Variants in CD226 observed in about 807,000 individuals in gnomAD.
The protein encoded by CD226 is CD226 molecule.
CD226 carries 24 observed loss-of-function variants against 34.9 expected under a neutral mutation model. The observed-to-expected ratio is 0.69, with a 90% CI of 0.50 to 0.97. CD226 has a LOEUF of 0.97. Ranked by LOEUF, CD226 falls within the 50% of genes least tolerant of loss-of-function variation. The pLI is 0.00. For missense variants in CD226, 397 were observed against 412.7 expected (o/e 0.96, Z 0.33); for synonymous variants, 148 against 147.4 (o/e 1.00, Z -0.03).
rs72481819 is a variant in CD226, at chr18:69,867,396, C to T, written c.846G>A (p.Glu282=). Reference sequence around the variant, plus strand: ...AGGACTCTGTAAATAGATCTCTTCTCTCTCTCCTTCTCCTTCTGGAATGCA... The same window carrying T: ...AGGACTCTGTAAATAGATCTCTTCTTTCTCTCCTTCTCCTTCTGGAATGCA... The part of the protein sequence containing the change: ...VIFLNRRRRR[E]RRDLFTESWD... Residue 282 remains glutamate (E), a synonymous_variant, in exon 5 of 6, where the codon GAG becomes GAA. Transcript: ENST00000582621. 93,559 of 1,560,522 alleles carry T rather than the reference C, an allele frequency of 0.06. 3,480 individuals are homozygous for T. Among genetic ancestry groups the T allele is most frequent in the Non-Finnish European group, 0.069 (77,587 of 1,131,426 alleles).
Position 69,862,075 on chromosome 18 carries a change from T to C in CD226, c.*2239A>G. ...CAAGGAAAAAGAGACAAGTTCCAAA[T>C]GTTCTGGAGGCTTTGCAATACTGCA... On this transcript the variant is annotated 3_prime_UTR_variant, in exon 6 of 6. Transcript: ENST00000582621. The C allele has an allele frequency of 6.6e-6, 1 of 152,118 alleles. No individual in the cohort carries two copies. Among genetic ancestry groups the C allele is most frequent in the East Asian group, 1.9e-4 (1 of 5,188 alleles). 9.4% of individuals were successfully genotyped at this position (152,118 alleles called of 1,614,324 possible). A position where few individuals can be genotyped will look rare whatever the true frequency, so the allele number is the denominator to read the frequency against.
At chr18:69,901,603 G>A (rs1019920538) in intron 2 of CD226, among the ~76,000 whole-genome samples, 24 of 148,354 alleles carry the variant, frequency 1.6e-4, no homozygotes, top group South Asian at 6.7e-4. Flanking sequence ...ATTTGTGCCC[G>A]GGCACAGTGG....
Position 69,859,583 on chromosome 18 carries a change from G to A in CD226, c.*4731C>T, listed in dbSNP as rs2145161414. 1 of 144,098 alleles carries A rather than the reference G, an allele frequency of 6.9e-6. No individual in the cohort carries two copies. The highest frequency in any genetic ancestry group is 2.3e-4 in the South Asian group (1 of 4,428). 8.9% of individuals were successfully genotyped at this position (144,098 alleles called of 1,614,324 possible). On this transcript the variant is annotated 3_prime_UTR_variant, in exon 6 of 6. Coordinates refer to ENST00000582621, the MANE Select transcript of CD226 (RefSeq NM_001303618.2). ...TGAATGTCTAAAATTGAAAAAAAAA[G>A]TATTAGTGTCATAAGCATGCTATTC...
At chr18:69,924,449 C>T (rs1191545244) in intron 2 of CD226, among the ~76,000 whole-genome samples, 1 of 149,776 alleles carries the variant, frequency 6.7e-6, no homozygotes, top group Non-Finnish European at 1.5e-5. Flanking sequence ...GAAATTTTTG[C>T]ATAATTACAA....
At chr18:69,899,159 CA>C (rs1985468030) in intron 2 of CD226, among the ~76,000 whole-genome samples, 1 of 152,218 alleles carries the variant, frequency 6.6e-6, no homozygotes. Context: ...AGTGCTTCAT[CA>C]CTTTTCCAAC....
intron 2 of CD226, among the ~76,000 whole-genome samples, chr18:69,942,261 T>C (rs996917611): frequency 7.9e-5 from 12 of 152,220 alleles, no homozygotes; most frequent in African/African-American, 2.7e-4. Flanking sequence ...TACACATTGG[T>C]TCTCTTTCTC....
At chr18:69,901,460 T>G (rs541707235) in intron 2 of CD226, among the ~76,000 whole-genome samples, 1 of 152,064 alleles carries the variant, frequency 6.6e-6, no homozygotes, top group Non-Finnish European at 1.5e-5. Flanking sequence ...GTGTGAGAAA[T>G]AGAGAACAAT....
chr18:69,879,326 T>C (rs1984070450), intron 3 of CD226, among the ~76,000 whole-genome samples: 2 of 152,334 alleles, frequency 1.3e-5, no homozygotes, highest in Admixed American at 6.5e-5. Flanking sequence ...TCATCCCTTA[T>C]CTGCAACTGC....
At chr18:69,894,634 A>AG (rs1474505278) in intron 3 of CD226, among the ~76,000 whole-genome samples, 1 of 23,808 alleles carries the variant, frequency 4.2e-5, no homozygotes, top group Non-Finnish European at 8.1e-5. Context: ...AGGGGAGGGG[A>AG]GGAGGGGAGG....
At chr18:69,925,288 C>T (rs1397976279) in intron 2 of CD226, among the ~76,000 whole-genome samples, 1 of 152,160 alleles carries the variant, frequency 6.6e-6, no homozygotes, top group African/African-American at 2.4e-5. Context: ...TGTGCTGGGA[C>T]AAGTACTTCG....
chr18:69,909,750 CATTTA>C (rs1414494103), intron 2 of CD226, among the ~76,000 whole-genome samples: 2 of 152,172 alleles, frequency 1.3e-5, no homozygotes, highest in Non-Finnish European at 2.9e-5. Flanking sequence ...ATGTATTCAG[CATTTA>C]ATTTGTGTTC....
At chr18:69,879,054 G>C (rs1984052736) in intron 3 of CD226, among the ~76,000 whole-genome samples, 1 of 152,120 alleles carries the variant, frequency 6.6e-6, no homozygotes, top group African/African-American at 2.4e-5. Context: ...ATTTTCAAAG[G>C]GGAGGGAGTG....
At chr18:69,881,825 T>C (rs1481288202) in intron 3 of CD226, among the ~76,000 whole-genome samples, 1 of 152,212 alleles carries the variant, frequency 6.6e-6, no homozygotes, top group African/African-American at 2.4e-5. Flanking sequence ...GAAATAATAG[T>C]AGCACAAAGT....
chr18:69,869,798 T>C (rs1983388901), intron 4 of CD226, among the ~76,000 whole-genome samples: 1 of 147,400 alleles, frequency 6.8e-6, no homozygotes, highest in African/African-American at 2.5e-5. Flanking sequence ...TTCTTTTTTT[T>C]CTTTTTTTTT....
At chr18:69,882,636 G>A (rs1242624103) in intron 3 of CD226, among the ~76,000 whole-genome samples, 1 of 152,090 alleles carries the variant, frequency 6.6e-6, no homozygotes, top group African/African-American at 2.4e-5. Flanking sequence ...CAATTTTTAT[G>A]AACATATTAT....
chr18:69,935,057 A>C (rs2055635513), intron 2 of CD226, among the ~76,000 whole-genome samples: 1 of 152,224 alleles, frequency 6.6e-6, no homozygotes, highest in African/African-American at 2.4e-5. Flanking sequence ...TATCGACGCT[A>C]CCTAAACCAT....
intron 2 of CD226, among the ~76,000 whole-genome samples, chr18:69,930,943 C>T (rs7234496): frequency 0.9 from 136,621 of 152,158 alleles, 62,791 homozygotes; most frequent in East Asian, 1. Flanking sequence ...ACCACAAACA[C>T]TGCGGCACTA....
rs1267917419 is a variant in CD226 at position 69,895,975 on chromosome 18, A to T, written c.453T>A (p.Thr151=). The T allele has an allele frequency of 6.2e-7, 1 of 1,613,926 alleles. No homozygotes were observed. The highest frequency in any genetic ancestry group is 8.5e-7 in the Non-Finnish European group (1 of 1,180,032). The part of the protein sequence containing the change: ...VSEPGKNVTL[T]CQPQMTWPVQ... ...CAGGCCACGTCATCTGAGGCTGACA[A>T]GTGAGTGTGACATTCTTTCCAGGTT... The change falls in exon 3 of 6, where the codon ACT becomes ACA. Residue 151 remains threonine (T), a synonymous_variant. Transcript: ENST00000582621.
At chr18:69,943,021 A>C (rs937507452) in intron 2 of CD226, among the ~76,000 whole-genome samples, 1 of 152,198 alleles carries the variant, frequency 6.6e-6, no homozygotes, top group Non-Finnish European at 1.5e-5. Context: ...CTGGCTCTTC[A>C]GAAAAATCAA....
Sources: gnomAD v4.1 joint callset for allele counts (sites outside exome capture counted in the v4.1 genomes callset) on GRCh38, gnomAD v4.1.1 for gene constraint, MANE v1.5 for transcripts, NCBI Gene and HGNC (gene_info 2026-07-23, HGNC 2026-07-21) for gene names.